Variants in FBRSL1 observed in about 807,000 individuals in gnomAD.
FBRSL1 encodes fibrosin-1-like protein.
FBRSL1 carries 51 observed loss-of-function variants against 89.6 expected under a neutral mutation model. That is an observed-to-expected ratio of 0.57 (90% confidence interval 0.45 to 0.72). The LOEUF is 0.72. Among genes scored for constraint, FBRSL1 ranks in the 30% least tolerant of loss-of-function variants. The pLI, the probability that FBRSL1 is intolerant of heterozygous loss-of-function variation, is 0.00. For synonymous variants in FBRSL1, 779 were observed against 681.1 expected (o/e 1.14, Z -2.24); for missense variants, 1,618 against 1,451.8 (o/e 1.11, Z -1.86).
intron 1 of FBRSL1, chr12:132,507,389 G>A (rs2033813008): frequency 1.0e-6 from 1 of 985,530 alleles, no homozygotes; most frequent in East Asian, 1.1e-4. Context: ...CATACAGAAG[G>A]TGCTTACTAG....
intron 1 of FBRSL1, among the ~76,000 whole-genome samples, chr12:132,498,504 A>G (rs1246283291): frequency 6.6e-6 from 1 of 152,168 alleles, no homozygotes; most frequent in Non-Finnish European, 1.5e-5. Context: ...CCTCCAGGGA[A>G]ATGAGGAGGA....
intron 5 of FBRSL1, chr12:132,551,331 C>T (rs1034853051): frequency 2.2e-6 from 1 of 444,614 alleles, no homozygotes; most frequent in Non-Finnish European, 4.6e-6. Flanking sequence ...CATGGCCTGG[C>T]TGCTCCCGGT....
intron 2 of FBRSL1, chr12:132,511,737 C>T (rs1262439166): frequency 2.0e-6 from 2 of 985,342 alleles, no homozygotes; most frequent in East Asian, 1.1e-4. Context: ...ACCTCCAGCA[C>T]CCCGCACTTG....
At chr12:132,519,188 C>T (rs1337796372) in intron 2 of FBRSL1, among the ~76,000 whole-genome samples, 1 of 152,228 alleles carries the variant, frequency 6.6e-6, no homozygotes, top group Non-Finnish European at 1.5e-5. Flanking sequence ...AAAAGACAGC[C>T]CCGCCCACTG....
Position 132,499,271 on chromosome 12 carries a change from C to T in FBRSL1, c.291+8410C>T, listed in dbSNP as rs2032571773. ...GTGGTGCTGGACCTCTGGGAGAGGC[C>T]AGGTGAGCCGCTGGCCAGCAGGGAA... On this transcript the variant is annotated intron_variant, in intron 1 of 18. Transcript: ENST00000680143. The surrounding 1 kb of genome is among the most constrained non-coding windows in gnomAD (Gnocchi z 4.3). 6.6e-6 allele frequency among the ~76,000 whole-genome samples: 1 copy of T among 151,578 alleles called. No individual in the cohort carries two copies. Among genetic ancestry groups the T allele is most frequent in the South Asian group, 2.1e-4 (1 of 4,784 alleles).
intron 14 of FBRSL1, 92 bp from the exon 15 acceptor site, chr12:132,576,707 C>G: frequency 7.1e-7 from 1 of 1,414,478 alleles, no homozygotes; most frequent in South Asian, 1.4e-5. Context: ...TGGACTGGCT[C>G]ACACCCAGTC....
intron 4 of FBRSL1, among the ~76,000 whole-genome samples, chr12:132,528,946 C>T (rs531504177): frequency 5.3e-5 from 8 of 152,316 alleles, no homozygotes; most frequent in African/African-American, 9.6e-5. Context: ...CCCTGCCCCC[C>T]GGACCTGGAG....
intron 5 of FBRSL1, among the ~76,000 whole-genome samples, chr12:132,548,766 G>T (rs2037905871): frequency 6.6e-6 from 1 of 152,226 alleles, no homozygotes; most frequent in Non-Finnish European, 1.5e-5. Context: ...ACTGCCAAGG[G>T]CTACCCGGGG....
chr12:132,526,004 G>A (rs888580064), intron 3 of FBRSL1, among the ~76,000 whole-genome samples, 181 bp downstream of exon 3: 41 of 152,276 alleles, frequency 2.7e-4, no homozygotes, highest in African/African-American at 9.4e-4. Flanking sequence ...CCAGGAAGCC[G>A]CTGGTTAGGG....
At position 132,583,196 on chromosome 12, in the gene FBRSL1, T is replaced by C. The variant is rs1212182125; in HGVS notation, c.2427T>C (p.Pro809=). The C allele has an allele frequency of 6.9e-7, 1 of 1,447,350 alleles. No homozygotes were observed. Among genetic ancestry groups the C allele is most frequent in the African/African-American group, 1.5e-5 (1 of 66,976 alleles). The allele number at this position is 1,447,350 out of a possible 1,614,324, so 89.7% of individuals were successfully genotyped here. A position where few individuals can be genotyped will look rare whatever the true frequency, so the allele number is the denominator to read the frequency against. ...CCCCGCCCCACAGCAAGGCGGCCCCTGGAGACGTGAAGGTCAAGGAGGAGC... is the reference window on the plus strand; with the variant it reads ...CCCCGCCCCACAGCAAGGCGGCCCCCGGAGACGTGAAGGTCAAGGAGGAGC... ...RASPPHSKAA[P]GDVKVKEERG... The change falls in exon 19 of 19, where the codon CCT becomes CCC. Residue 809 remains proline, a synonymous_variant. Transcript: ENST00000680143.
intron 18 of FBRSL1, among the ~76,000 whole-genome samples, chr12:132,582,690 G>C (rs916139177): frequency 6.6e-6 from 1 of 152,110 alleles, no homozygotes; most frequent in African/African-American, 2.4e-5. Flanking sequence ...TGCGGCTGCC[G>C]GGAGGCCCCC....
chr12:132,582,018 G>A (rs1566251966), intron 17 of FBRSL1, 44 bp from the exon 18 acceptor site: 1 of 1,476,676 alleles, frequency 6.8e-7, no homozygotes, highest in South Asian at 1.2e-5. Flanking sequence ...AGTGGCTGGG[G>A]AGCAGACAGA....
intron 11 of FBRSL1, among the ~76,000 whole-genome samples, chr12:132,573,521 G>A (rs2040182658): frequency 6.6e-6 from 1 of 152,198 alleles, no homozygotes. Context: ...GGGACTCGGG[G>A]GTACTGCCCT....
Position 132,583,275 on chromosome 12 carries a change from C to T in FBRSL1, c.2506C>T (p.Leu836=). 13 of 1,282,464 alleles carry T rather than the reference C, an allele frequency of 1.0e-5. No homozygotes were observed. The highest frequency in any genetic ancestry group is 3.9e-5 in the South Asian group (2 of 50,786). The allele number at this position is 1,282,464 out of a possible 1,614,324, so 79.4% of individuals were successfully genotyped here. A position where few individuals can be genotyped will look rare whatever the true frequency, so the allele number is the denominator to read the frequency against. Residue 836 remains leucine (L), a synonymous_variant, in exon 19 of 19, where the codon CTG becomes TTG. Coordinates refer to ENST00000680143, the MANE Select transcript of FBRSL1 (RefSeq NM_001367871.1). ...PPAGGLHPAP[L]QLGLGRERLG... ...GGCGGGCGGCCTGCACCCCGCGCCC[C>T]TGCAGCTCGGCCTGGGCCGCGAGCG...
intron 15 of FBRSL1, among the ~76,000 whole-genome samples, chr12:132,577,631 C>T (rs901296103): frequency 2.6e-5 from 4 of 152,058 alleles, no homozygotes; most frequent in African/African-American, 9.7e-5. Context: ...CCCGAGTCAC[C>T]CCCTCCCCCG....
intron 5 of FBRSL1, among the ~76,000 whole-genome samples, chr12:132,556,833 G>A (rs2038713652): frequency 6.9e-6 from 1 of 144,986 alleles, no homozygotes. Flanking sequence ...CCTGTGGGAC[G>A]CTCTTCTTCA....
At position 132,509,466 on chromosome 12, in the gene FBRSL1, C is replaced by T. The variant is rs541030573; in HGVS notation, c.489+1116C>T. On this transcript the variant is annotated intron_variant, in intron 2 of 18. Transcript: ENST00000680143. ...GCGGCTCCTTCCATCCCCAGATCAG[C>T]TCTGCCAGCCCCAGCGGTCACGCCC... 3,864 of 1,240,214 alleles carry T rather than the reference C, an allele frequency of 3.1e-3. 8 individuals carry two copies. Among genetic ancestry groups the T allele is most frequent in the Non-Finnish European group, 3.5e-3 (3,526 of 995,254 alleles). The allele number at this position is 1,240,214 out of a possible 1,614,324, so 76.8% of individuals were successfully genotyped here.
chr12:132,560,651 G>C (rs137885645), intron 5 of FBRSL1, among the ~76,000 whole-genome samples: 1,915 of 152,278 alleles, frequency 0.013, 55 homozygotes, highest in African/African-American at 0.044. Context: ...TCCGCGGGTC[G>C]GGTCCTCGCA....
rs2037689773 is a variant in FBRSL1 at position 132,546,420 on chromosome 12, G to A, written c.616-1583G>A. The stretch of plus-strand genomic sequence containing the variant: ...TGGGCCGGGCTGGGCGGGTGCAGGT[G>A]GGACTGAGGCCCTTCTCTACCTCTC... On this transcript the variant is annotated intron_variant, in intron 4 of 18. Coordinates refer to ENST00000680143, the MANE Select transcript of FBRSL1 (RefSeq NM_001367871.1). This position sits in a 1 kb window ranked among gnomAD's most constrained non-coding sequence, Gnocchi z 4.0. Among the ~76,000 whole-genome samples, 1 of 152,250 alleles carries A rather than the reference G, an allele frequency of 6.6e-6. No homozygotes were observed. The highest frequency in any genetic ancestry group is 2.1e-4 in the South Asian group (1 of 4,838).
Sources: allele counts gnomAD v4.1 joint callset (sites outside exome capture counted in the v4.1 genomes callset), GRCh38; gene constraint gnomAD v4.1.1; non-coding constraint Gnocchi (gnomAD v3.1); transcripts MANE v1.5; gene names NCBI Gene and HGNC (gene_info 2026-07-23, HGNC 2026-07-21).